Variants in MAPK10 observed in about 807,000 individuals in gnomAD.
MAPK10 encodes JNK3 alpha protein kinase.
In MAPK10, 25 loss-of-function variants were observed where a neutral mutation model predicts 59.3. The observed-to-expected ratio is 0.42, with a 90% CI of 0.31 to 0.59. The LOEUF (loss-of-function observed/expected upper bound fraction) is 0.59, where lower values mean the gene tolerates loss of function less well. MAPK10 is among the 20% of genes least tolerant of loss of function. The probability of loss-of-function intolerance (pLI) is 0.15; values close to 1 mark genes in which losing one functional copy is unlikely to be tolerated. For missense variants in MAPK10, 351 were observed against 568.9 expected (o/e 0.62, Z 3.90); for synonymous variants, 190 against 200.5 (o/e 0.95, Z 0.44).
intron 2 of MAPK10, among the ~76,000 whole-genome samples, chr4:86,217,708 A>G (rs1161930368): frequency 6.6e-6 from 1 of 152,218 alleles, no homozygotes; most frequent in African/African-American, 2.4e-5. Flanking sequence ...TACTGGAAAG[A>G]AAAGATGGTA....
intron 2 of MAPK10, among the ~76,000 whole-genome samples, chr4:86,288,876 T>C (rs2095122835): frequency 3.3e-5 from 5 of 151,330 alleles, no homozygotes; most frequent in African/African-American, 9.7e-5. Flanking sequence ...ACTTGATATG[T>C]GCCAGGCACC....
chr4:86,035,771 A>C (rs1578910671), intron 11 of MAPK10, among the ~76,000 whole-genome samples: 1 of 152,172 alleles, frequency 6.6e-6, no homozygotes. Context: ...AGAGAATGGA[A>C]AAGGGGAAAT....
At chr4:86,592,706 T>A (rs1330334083) in intron 1 of MAPK10, among the ~76,000 whole-genome samples, 1 of 152,220 alleles carries the variant, frequency 6.6e-6, no homozygotes, top group Non-Finnish European at 1.5e-5. Flanking sequence ...TGGCCTGTTA[T>A]TTACTTTCAC....
At chr4:86,043,363 C>T (rs937817883) in intron 11 of MAPK10, among the ~76,000 whole-genome samples, 2 of 152,070 alleles carry the variant, frequency 1.3e-5, no homozygotes, top group Admixed American at 1.3e-4. Flanking sequence ...TCAGCTTATT[C>T]AAATGGGCAA....
At chr4:86,379,798 G>A (rs1578991837) in intron 1 of MAPK10, among the ~76,000 whole-genome samples, 1 of 152,092 alleles carries the variant, frequency 6.6e-6, no homozygotes, top group South Asian at 2.1e-4. Flanking sequence ...CTCTGTTCGA[G>A]GCTCTCAGCT....
chr4:86,052,635 G>A (rs1439589064), intron 11 of MAPK10, among the ~76,000 whole-genome samples: 2 of 152,016 alleles, frequency 1.3e-5, no homozygotes, highest in Non-Finnish European at 2.9e-5. Flanking sequence ...GCATTCATAG[G>A]GGTGCTATAA....
At chr4:86,122,003 C>T (rs1439367884) in intron 4 of MAPK10, among the ~76,000 whole-genome samples, 3 of 152,130 alleles carry the variant, frequency 2.0e-5, no homozygotes, top group Non-Finnish European at 4.4e-5. Flanking sequence ...TTTAGTTCAT[C>T]CCTAAAGAAC....
In MAPK10 at chr4:86,012,043, G is replaced by A. The variant is rs1741493412; in HGVS notation, c.*5185C>T. The A allele has an allele frequency of 6.6e-6, 1 of 152,122 alleles. No homozygotes were observed. The highest frequency in any genetic ancestry group is 1.5e-5 in the Non-Finnish European group (1 of 68,008). The allele number at this position is 152,122 out of a possible 1,614,324, so 9.4% of individuals were successfully genotyped here. A position where few individuals can be genotyped will look rare whatever the true frequency, so the allele number is the denominator to read the frequency against. ...TTTTCTCTTGGAAAATAGTTAAAAT[G>A]AATAGAAATCTGATAATTAATCTGG... On this transcript the variant is annotated 3_prime_UTR_variant, in exon 14 of 14. Coordinates refer to ENST00000641462, the MANE Select transcript of MAPK10 (RefSeq NM_138982.4).
intron 11 of MAPK10, among the ~76,000 whole-genome samples, chr4:86,036,702 T>C (rs889381218): frequency 1.3e-5 from 2 of 152,206 alleles, no homozygotes; most frequent in African/African-American, 4.8e-5. Context: ...AAAGTGAACA[T>C]CTTTGTAAAA....
intron 2 of MAPK10, among the ~76,000 whole-genome samples, chr4:86,315,739 C>A (rs1178492457): frequency 2.0e-5 from 3 of 151,836 alleles, no homozygotes; most frequent in Non-Finnish European, 4.4e-5. Flanking sequence ...TGCAAATAAC[C>A]AAAATTATAT....
At chr4:86,147,841 A>G (rs1430518658) in intron 4 of MAPK10, among the ~76,000 whole-genome samples, 3 of 152,174 alleles carry the variant, frequency 2.0e-5, no homozygotes, top group Admixed American at 2.0e-4. Context: ...ACTTATTCTA[A>G]TAATTGAATT....
chr4:86,075,695 T>C (rs1355750205), intron 9 of MAPK10, among the ~76,000 whole-genome samples: 2 of 152,088 alleles, frequency 1.3e-5, no homozygotes, highest in Non-Finnish European at 2.9e-5. Flanking sequence ...TGCCTCCCAG[T>C]TAGACTTCTC....
intron 1 of MAPK10, among the ~76,000 whole-genome samples, chr4:86,572,785 C>T (rs1037201716): frequency 1.3e-5 from 2 of 152,086 alleles, no homozygotes; most frequent in African/African-American, 4.8e-5. Context: ...TGAAAGTTCC[C>T]GCTGATTTGC....
At chr4:86,162,630 CT>C (rs2070192145) in intron 3 of MAPK10, among the ~76,000 whole-genome samples, 1 of 151,946 alleles carries the variant, frequency 6.6e-6, no homozygotes, top group Non-Finnish European at 1.5e-5. Flanking sequence ...TTTTTCCTTT[CT>C]TTTTTTAACA....
At chr4:86,191,431 G>A (rs865970466) in intron 3 of MAPK10, among the ~76,000 whole-genome samples, 6 of 151,982 alleles carry the variant, frequency 3.9e-5, no homozygotes, top group Middle Eastern at 6.8e-3. Context: ...AGGTGCTCCT[G>A]TATTGGGTGC....
At chr4:86,147,678 T>A (rs912718685) in intron 4 of MAPK10, among the ~76,000 whole-genome samples, 4 of 152,370 alleles carry the variant, frequency 2.6e-5, no homozygotes, top group Non-Finnish European at 5.9e-5. Flanking sequence ...TACTATTTAA[T>A]GATTCTTTTA....
chr4:86,069,054 C>T (rs916202767), intron 9 of MAPK10, among the ~76,000 whole-genome samples: 2 of 152,084 alleles, frequency 1.3e-5, no homozygotes, highest in South Asian at 4.1e-4. Flanking sequence ...TAAGGTGTGA[C>T]AGTTAAGGGA....
intron 1 of MAPK10, among the ~76,000 whole-genome samples, chr4:86,477,591 C>T (rs376741145): frequency 2.6e-4 from 39 of 149,790 alleles, no homozygotes; most frequent in African/African-American, 7.6e-4. Context: ...TCCCACAGCA[C>T]GCTTTAAAAG....
intron 4 of MAPK10, among the ~76,000 whole-genome samples, chr4:86,109,481 C>A (rs2057097594): frequency 6.6e-6 from 1 of 151,966 alleles, no homozygotes; most frequent in Non-Finnish European, 1.5e-5. Context: ...TGAGAACATG[C>A]AGTGTTTGGT....
Sources: allele counts gnomAD v4.1 joint callset (sites outside exome capture counted in the v4.1 genomes callset), GRCh38; gene constraint gnomAD v4.1.1; transcripts MANE v1.5; gene names NCBI Gene and HGNC (gene_info 2026-07-23, HGNC 2026-07-21).